The following LAMA2 variants were observed in gnomAD, a reference collection of about 807,000 sequenced individuals.
The protein encoded by LAMA2 is laminin subunit alpha-2.
A neutral mutation model predicts 364.8 loss-of-function variants in LAMA2; 269 were observed. That is an observed-to-expected ratio of 0.74 (90% confidence interval 0.67 to 0.82). The LOEUF is 0.82. LAMA2 is among the 40% of genes least tolerant of loss of function. The pLI is 0.00. For missense variants in LAMA2, 3,807 were observed against 3,873.2 expected, an observed-to-expected ratio of 0.98 and a Z score of 0.45; for synonymous variants, 1,379 against 1,370.6, an observed-to-expected ratio of 1.01 and a Z score of -0.14.
chr6:128,893,857 A>T (rs184058365), intron 1 of LAMA2, among the ~76,000 whole-genome samples: 2 of 152,194 alleles, frequency 1.3e-5, no homozygotes, highest in African/African-American at 4.8e-5. Context: ...AAATAATTTT[A>T]TATCCAAAAT....
chr6:129,163,505 G>A (rs551196665), intron 8 of LAMA2, among the ~76,000 whole-genome samples: 2 of 152,176 alleles, frequency 1.3e-5, no homozygotes, highest in East Asian at 3.9e-4. Flanking sequence ...ATGGTGGCAG[G>A]CACCTGTAAT....
At chr6:129,047,900 T>A (rs2114768650) in intron 1 of LAMA2, among the ~76,000 whole-genome samples, 1 of 152,308 alleles carries the variant, frequency 6.6e-6, no homozygotes, top group African/African-American at 2.4e-5. Flanking sequence ...TAGCACTAGA[T>A]CTATGCTGGT....
chr6:129,136,270 T>C (rs930417154), intron 4 of LAMA2, among the ~76,000 whole-genome samples: 7 of 152,196 alleles, frequency 4.6e-5, no homozygotes, highest in African/African-American at 1.7e-4. Flanking sequence ...TGTTGGTTGC[T>C]TTGAGTTGTA....
At chr6:129,046,542 C>T (rs113721173) in intron 1 of LAMA2, among the ~76,000 whole-genome samples, 3,617 of 152,252 alleles carry the variant, frequency 0.024, 131 homozygotes, top group African/African-American at 0.081. Context: ...TACCTCCCAA[C>T]GTGTCCCTCC....
intron 7 of LAMA2, among the ~76,000 whole-genome samples, chr6:129,150,564 G>C (rs1227477503): frequency 1.3e-5 from 2 of 152,064 alleles, no homozygotes; most frequent in African/African-American, 4.8e-5. Flanking sequence ...AAACAATCGA[G>C]CAACTTGTTA....
At chr6:128,939,349 C>A (rs1021471357) in intron 1 of LAMA2, among the ~76,000 whole-genome samples, 1 of 147,978 alleles carries the variant, frequency 6.8e-6, no homozygotes, top group South Asian at 2.1e-4. Context: ...TTTTTTTTTT[C>A]ATCCCAATGC....
chr6:129,029,388 T>G (rs1377881378), intron 1 of LAMA2, among the ~76,000 whole-genome samples: 2 of 152,006 alleles, frequency 1.3e-5, no homozygotes, highest in Non-Finnish European at 2.9e-5. Context: ...TTTAGTCAAG[T>G]GTTACTCTTG....
intron 54 of LAMA2, 118 bp from the exon 55 acceptor site, chr6:129,481,144 CT>C: frequency 1.3e-6 from 1 of 796,808 alleles, no homozygotes. Flanking sequence ...TTCCTGCTTT[CT>C]AAACCTATGA....
In LAMA2 at chr6:129,387,290, C is replaced by G. The variant is rs148360999; in HGVS notation, c.5071+4057C>G. Reference sequence around the variant, plus strand: ...CAAAAGAAGACATTTATGCAGCCAACAAACATATGAAAAAAGCTCATCACC... The same window carrying G: ...CAAAAGAAGACATTTATGCAGCCAAGAAACATATGAAAAAAGCTCATCACC... On this transcript the variant is annotated intron_variant, in intron 35 of 64. Transcript: ENST00000421865. 2.0e-4 allele frequency among the ~76,000 whole-genome samples: 31 copies of G among 152,154 alleles called. No homozygotes were observed. In the East Asian group the frequency reaches 4.8e-3, roughly 24 times the overall value.
intron 2 of LAMA2, among the ~76,000 whole-genome samples, chr6:129,054,705 T>C (rs1788344528): frequency 6.7e-6 from 1 of 148,440 alleles, no homozygotes; most frequent in South Asian, 2.1e-4. Context: ...ATTAAATAAA[T>C]TTATATAAAT....
At chr6:129,098,442 G>C (rs1435143380) in intron 4 of LAMA2, 27 bp downstream of exon 4, 1 of 1,612,800 alleles carries the variant, frequency 6.2e-7, no homozygotes, top group East Asian at 2.2e-5. Context: ...CACCATTTAA[G>C]CACATTTGAT....
At chr6:129,137,270 C>T (rs144447411) in intron 4 of LAMA2, among the ~76,000 whole-genome samples, 39 of 151,676 alleles carry the variant, frequency 2.6e-4, no homozygotes, top group African/African-American at 8.7e-4. Context: ...AAAAAAAAGA[C>T]CTTTATTAAA....
rs888791501 is a variant in LAMA2 at position 129,260,578 on chromosome 6, T to C, written c.2097-133T>C. On this transcript the variant is annotated intron_variant, in intron 14 of 64. Transcript: ENST00000421865. ...GACAAAGGACCAGAGCTTTTGGTTA[T>C]GGTATTCATCAGCTTCCTTTCTCAG... The C allele has an allele frequency of 4.1e-5, 30 of 732,818 alleles. 1 individual carries two copies. Among genetic ancestry groups the C allele is most frequent in the Non-Finnish European group, 5.8e-5 (23 of 399,926 alleles). 45.4% of individuals were successfully genotyped at this position (732,818 alleles called of 1,614,324 possible).
At chr6:129,098,538 A>G (rs1341147117) in intron 4 of LAMA2, 123 bp downstream of exon 4, 9 of 1,153,154 alleles carry the variant, frequency 7.8e-6, no homozygotes, top group South Asian at 1.3e-5. Context: ...GCAAAAGTAC[A>G]TTTAAATGAG....
chr6:129,211,936 T>C (rs1783125940), intron 12 of LAMA2, among the ~76,000 whole-genome samples: 1 of 152,206 alleles, frequency 6.6e-6, no homozygotes, highest in Non-Finnish European at 1.5e-5. Flanking sequence ...TAATTCTTTG[T>C]TGAGTGAATA....
At chr6:129,309,226 G>A (rs1774061688) in intron 22 of LAMA2, among the ~76,000 whole-genome samples, 1 of 152,224 alleles carries the variant, frequency 6.6e-6, no homozygotes, top group Non-Finnish European at 1.5e-5. Flanking sequence ...AGAATACGAA[G>A]CCTGCCTTCT....
intron 64 of LAMA2, among the ~76,000 whole-genome samples, chr6:129,515,907 G>A (rs1258649125): frequency 6.6e-6 from 1 of 152,036 alleles, no homozygotes; most frequent in Non-Finnish European, 1.5e-5. Context: ...GGGCAACACG[G>A]CGAAGGGAGG....
chr6:129,348,638 T>A (rs997127217), intron 30 of LAMA2, among the ~76,000 whole-genome samples: 6 of 152,050 alleles, frequency 3.9e-5, no homozygotes, highest in African/African-American at 1.4e-4. Context: ...GTAAAAACAT[T>A]GGGGAAGTTT....
chr6:129,423,314 C>T (rs1303796688), intron 40 of LAMA2, among the ~76,000 whole-genome samples: 1 of 151,882 alleles, frequency 6.6e-6, no homozygotes. Context: ...GAGAGACTAA[C>T]CAGTACAAGG....
Sources: allele counts gnomAD v4.1 joint callset (sites outside exome capture counted in the v4.1 genomes callset), GRCh38; gene constraint gnomAD v4.1.1; transcripts MANE v1.5; gene names NCBI Gene and HGNC (gene_info 2026-07-23, HGNC 2026-07-21).